TYW1: variants seen among roughly 807,000 people sequenced by gnomAD.
The protein encoded by TYW1 is tRNA-yW synthesizing protein 1 homolog, also known as S-adenosyl-L-methionine-dependent tRNA 4-demethylwyosine synthase TYW1.
Under a neutral mutation model 96.2 loss-of-function variants are expected in TYW1, and 46 were observed. The ratio of observed to expected loss-of-function variants is 0.48; its 90% CI spans 0.38 to 0.61. The LOEUF (loss-of-function observed/expected upper bound fraction) is 0.61. Among genes scored for constraint, TYW1 ranks in the 20% least tolerant of loss-of-function variants. TYW1 has a pLI of 0.00. For synonymous variants in TYW1, 274 were observed against 323.0 expected, an observed-to-expected ratio of 0.85 and a Z score of 1.63; for missense variants, 684 against 909.6, an observed-to-expected ratio of 0.75 and a Z score of 3.19.
At chr7:67,113,463 T>G (rs1250597001) in intron 12 of TYW1, among the ~76,000 whole-genome samples, 2 of 152,140 alleles carry the variant, frequency 1.3e-5, no homozygotes, top group Non-Finnish European at 2.9e-5. Flanking sequence ...TCTCTTGGAT[T>G]TTTCATTTAT....
At chr7:67,099,424 G>A (rs1255897143) in intron 12 of TYW1, among the ~76,000 whole-genome samples, 1 of 152,150 alleles carries the variant, frequency 6.6e-6, no homozygotes, top group Non-Finnish European at 1.5e-5. Flanking sequence ...ACGTGGAGTT[G>A]GGGTATTTGT....
At chr7:67,146,837 C>CA (rs1199583619) in intron 13 of TYW1, among the ~76,000 whole-genome samples, 1 of 152,202 alleles carries the variant, frequency 6.6e-6, no homozygotes, top group Non-Finnish European at 1.5e-5. Flanking sequence ...ATCAGAGACT[C>CA]AGATTCCTGT....
Position 67,200,560 on chromosome 7 carries a change from C to T in TYW1, c.1977+5223C>T, listed in dbSNP as rs575950890. On this transcript the variant is annotated intron_variant, in intron 15 of 15. Transcript: ENST00000359626. ...ACCACCCCATGATTCAGTTATCTCC[C>T]ACCAGGTCCTTCCCACAATACGTGG... is the stretch of plus-strand genomic sequence containing the variant. 3.9e-5 allele frequency among the ~76,000 whole-genome samples: 6 copies of T among 152,244 alleles called. No homozygotes were observed. In the East Asian group the frequency reaches 9.6e-4, roughly 24 times the overall value.
intron 15 of TYW1, among the ~76,000 whole-genome samples, chr7:67,216,951 T>G (rs1211271793): frequency 6.6e-6 from 1 of 150,928 alleles, no homozygotes; most frequent in Non-Finnish European, 1.5e-5. Context: ...ATCTGGAGTA[T>G]TTTTTGAGAC....
chr7:67,054,976 T>G (rs1194540992), intron 8 of TYW1, among the ~76,000 whole-genome samples: 1 of 152,236 alleles, frequency 6.6e-6, no homozygotes, highest in South Asian at 2.1e-4. Context: ...TTTTTCTCTC[T>G]TTGGGTCAGC....
At chr7:67,142,982 G>A (rs1798498882) in intron 13 of TYW1, among the ~76,000 whole-genome samples, 1 of 151,830 alleles carries the variant, frequency 6.6e-6, no homozygotes, top group South Asian at 2.1e-4. Flanking sequence ...GAACCCGGGG[G>A]GCGGAAGTTG....
intron 7 of TYW1, among the ~76,000 whole-genome samples, chr7:67,035,503 A>G (rs1359851789): frequency 6.6e-6 from 1 of 152,134 alleles, no homozygotes; most frequent in Non-Finnish European, 1.5e-5. Flanking sequence ...TTTTGACACC[A>G]GCTACAGATT....
At chr7:67,099,730 C>G (rs973244807) in intron 12 of TYW1, among the ~76,000 whole-genome samples, 1 of 152,182 alleles carries the variant, frequency 6.6e-6, no homozygotes, top group Non-Finnish European at 1.5e-5. Context: ...AAGCCAGGCG[C>G]GGTGGCTCAT....
intron 2 of TYW1, among the ~76,000 whole-genome samples, chr7:66,998,605 G>A (rs1409224506): frequency 2.0e-5 from 3 of 152,146 alleles, no homozygotes; most frequent in Non-Finnish European, 4.4e-5. Flanking sequence ...GAAATCATGA[G>A]CCTTAAAAAT....
At chr7:67,123,508 G>A (rs62468401) in intron 13 of TYW1, among the ~76,000 whole-genome samples, 6,055 of 152,246 alleles carry the variant, frequency 0.04, 174 homozygotes, top group Middle Eastern at 0.1. Flanking sequence ...TTGCATCTTA[G>A]GTTCGTGTTG....
intron 15 of TYW1, among the ~76,000 whole-genome samples, chr7:67,227,976 TGGAGGTGGTCTTGC>T (rs1239700803): frequency 1.3e-5 from 2 of 152,208 alleles, no homozygotes; most frequent in African/African-American, 4.8e-5. Context: ...CTGTTAAATC[TGGAGGTGGTCTTGC>T]GGGCCGCTGA....
At position 67,162,313 on chromosome 7, in the gene TYW1, C is replaced by CAAA. The variant is rs60661089; in HGVS notation, c.1699-20792_1699-20790dup. ...TGGGTGACAGAGCAAGACTCTGTCT[C>CAAA]AAAAAAAAAAAAAAAAAAAAAAATT... On this transcript the variant is annotated intron_variant, in intron 13 of 15. Transcript: ENST00000359626. Among the ~76,000 whole-genome samples the CAAA allele has an allele frequency of 3.4e-3, 345 of 101,980 alleles. 9 individuals are homozygous for CAAA. Among genetic ancestry groups the CAAA allele is most frequent in the East Asian group, 6.6e-3 (19 of 2,864 alleles). 66.9% of individuals were successfully genotyped at this position (101,980 alleles called of 152,430 possible). A position where few individuals can be genotyped will look rare whatever the true frequency, so the allele number is the denominator to read the frequency against.
intron 14 of TYW1, among the ~76,000 whole-genome samples, chr7:67,190,866 T>G (rs1299123560): frequency 6.6e-6 from 1 of 152,146 alleles, no homozygotes; most frequent in Non-Finnish European, 1.5e-5. Flanking sequence ...ACCCAGTTGG[T>G]TTAATTAGAA....
At chr7:67,155,250 G>A (rs1036064611) in intron 13 of TYW1, among the ~76,000 whole-genome samples, 10 of 152,150 alleles carry the variant, frequency 6.6e-5, no homozygotes, top group Admixed American at 2.0e-4. Context: ...GTTGGAGGTG[G>A]GGCCTGGTAG....
At chr7:67,051,181 A>G (rs1354795006) in intron 8 of TYW1, among the ~76,000 whole-genome samples, 1 of 152,026 alleles carries the variant, frequency 6.6e-6, no homozygotes, top group East Asian at 1.9e-4. Flanking sequence ...ACACCATACT[A>G]CTTTATCATT....
chr7:67,010,114 T>A (rs1452631530), intron 4 of TYW1, among the ~76,000 whole-genome samples: 1 of 151,734 alleles, frequency 6.6e-6, no homozygotes, highest in Admixed American at 6.6e-5. Flanking sequence ...CCCAAGTAGC[T>A]GGGATTTACA....
chr7:67,022,173 A>G (rs1260235556), intron 6 of TYW1, among the ~76,000 whole-genome samples: 1 of 152,178 alleles, frequency 6.6e-6, no homozygotes, highest in African/African-American at 2.4e-5. Context: ...TTGGCCTCCC[A>G]AAGTGTTGGG....
intron 7 of TYW1, among the ~76,000 whole-genome samples, chr7:67,038,772 C>T (rs529690521): frequency 3.3e-5 from 5 of 152,172 alleles, no homozygotes; most frequent in South Asian, 2.1e-4. Flanking sequence ...GGTATGGTGG[C>T]GCATGCCTGT....
intron 13 of TYW1, among the ~76,000 whole-genome samples, chr7:67,148,599 A>G (rs567637653): frequency 1.3e-5 from 2 of 151,374 alleles, no homozygotes; most frequent in African/African-American, 2.4e-5. Context: ...CTAATTTTTT[A>G]TATATATATT....
Sources: gnomAD v4.1 joint callset for allele counts (sites outside exome capture counted in the v4.1 genomes callset) on GRCh38, gnomAD v4.1.1 for gene constraint, MANE v1.5 for transcripts, NCBI Gene and HGNC (gene_info 2026-07-23, HGNC 2026-07-21) for gene names.